GREM1: variants seen among roughly 807,000 people sequenced by gnomAD.
The protein encoded by GREM1 is gremlin 1, DAN family BMP antagonist, also known as gremlin-1.
In GREM1, 6 loss-of-function variants were observed where a neutral mutation model predicts 13.1. The observed-to-expected ratio is 0.46, with a 90% CI of 0.25 to 0.91. The LOEUF (loss-of-function observed/expected upper bound fraction) is 0.91, where lower values mean the gene tolerates loss of function less well. GREM1 is among the 40% of genes least tolerant of loss of function. GREM1 has a pLI of 0.18. For synonymous variants in GREM1, 98 were observed against 93.7 expected, an observed-to-expected ratio of 1.05 and a Z score of -0.27; for missense variants, 185 against 233.9, an observed-to-expected ratio of 0.79 and a Z score of 1.36.
rs2055773012 is a variant in GREM1 at position 32,742,771 on chromosome 15, G to A, written c.*11526G>A. 1 of 152,200 alleles carries A rather than the reference G, an allele frequency of 6.6e-6. No homozygotes were observed. Among genetic ancestry groups the A allele is most frequent in the Non-Finnish European group, 1.5e-5 (1 of 68,038 alleles). The allele number at this position is 152,200 out of a possible 1,614,324, so 9.4% of individuals were successfully genotyped here. ...GCAATGGTGCCAAGCATACTCAGTG[G>A]GAGAAATGATAATCTCTTCAACAAA... On this transcript the variant is annotated 3_prime_UTR_variant, in exon 2 of 2. Coordinates refer to ENST00000651154, the MANE Select transcript of GREM1 (RefSeq NM_013372.7).
At position 32,718,022 on chromosome 15, in the gene GREM1, G is replaced by C. The variant is rs867365082; in HGVS notation, c.-141G>C. 23 of 1,080,090 alleles carry C rather than the reference G, an allele frequency of 2.1e-5. No homozygotes were observed. Among genetic ancestry groups the C allele is most frequent in the Non-Finnish European group, 2.5e-5 (22 of 889,350 alleles). 66.9% of individuals were successfully genotyped at this position (1,080,090 alleles called of 1,614,324 possible). A position where few individuals can be genotyped will look rare whatever the true frequency, so the allele number is the denominator to read the frequency against. On this transcript the variant is annotated 5_prime_UTR_variant, in exon 1 of 2. Transcript: ENST00000651154. ...GCCTGGCACTCGGTGCGCCTTCCGCGGACCGGGCGACCCAGTGCACGGCCG... is the reference window on the plus strand; with the variant it reads ...GCCTGGCACTCGGTGCGCCTTCCGCCGACCGGGCGACCCAGTGCACGGCCG...
chr15:32,738,652 A>T lies in GREM1; in HGVS notation c.*7407A>T, dbSNP rs2055734770. 2 of 152,210 alleles carry T rather than the reference A, an allele frequency of 1.3e-5. No individual in the cohort carries two copies. Among genetic ancestry groups the T allele is most frequent in the African/African-American group, 4.8e-5 (2 of 41,440 alleles). 9.4% of individuals were successfully genotyped at this position (152,210 alleles called of 1,614,324 possible). A position where few individuals can be genotyped will look rare whatever the true frequency, so the allele number is the denominator to read the frequency against. ...TAAAAAAGATTTTAAAAAGTTGGAG[A>T]ACTCACACTTCCTGGTTTCATAACA... On this transcript the variant is annotated 3_prime_UTR_variant, in exon 2 of 2. Coordinates refer to ENST00000651154, the MANE Select transcript of GREM1 (RefSeq NM_013372.7).
In GREM1 at chr15:32,741,266, A is replaced by G. The variant is rs1234703571; in HGVS notation, c.*10021A>G. 9 of 152,318 alleles carry G rather than the reference A, an allele frequency of 5.9e-5. No homozygotes were observed. The East Asian group carries it at 1.7e-3, about 29-fold the overall frequency. The allele number at this position is 152,318 out of a possible 1,614,324, so 9.4% of individuals were successfully genotyped here. A position where few individuals can be genotyped will look rare whatever the true frequency, so the allele number is the denominator to read the frequency against. On this transcript the variant is annotated 3_prime_UTR_variant, in exon 2 of 2. Transcript: ENST00000651154. ...GTGACAAATAAGGGGAACAGAACAG[A>G]GAAAGTGATTTCAGCTATAAATATA...
chr15:32,731,284 G>GA lies in GREM1; in HGVS notation c.*39_*40insA. 8.6e-6 allele frequency: 13 copies of GA among 1,506,766 alleles called. No homozygotes were observed. The highest frequency in any genetic ancestry group is 1.2e-5 in the Non-Finnish European group (13 of 1,094,918). The allele number at this position is 1,506,766 out of a possible 1,614,324, so 93.3% of individuals were successfully genotyped here. On this transcript the variant is annotated 3_prime_UTR_variant, in exon 2 of 2. Transcript: ENST00000651154. ...GCACCCAGCATGTCCTAGGAATGCAGCCCCAGGAAGTCCCAGACCTAAAAC... is the reference window on the plus strand; with the variant it reads ...GCACCCAGCATGTCCTAGGAATGCAGACCCCAGGAAGTCCCAGACCTAAAAC...
rs2055725544 is a variant in GREM1 at position 32,738,121 on chromosome 15, A to AAAAC, written c.*6879_*6880insCAAA. The AAAAC allele has an allele frequency of 3.4e-5, 1 of 29,030 alleles. No individual in the cohort carries two copies. The highest frequency in any genetic ancestry group is 1.8e-4 in the African/African-American group (1 of 5,560). The allele number at this position is 29,030 out of a possible 1,614,324, so 1.8% of individuals were successfully genotyped here. The stretch of plus-strand genomic sequence containing the variant: ...AAAAAAAAAAAAAAAAAAAAAAAAA[A>AAAAC]AAAAAAAAAAAAGAAAAGAAAAAAG... On this transcript the variant is annotated 3_prime_UTR_variant, in exon 2 of 2. Coordinates refer to ENST00000651154, the MANE Select transcript of GREM1 (RefSeq NM_013372.7).
At chr15:32,723,585 A>T (rs1350144988) in intron 1 of GREM1, among the ~76,000 whole-genome samples, 1 of 151,216 alleles carries the variant, frequency 6.6e-6, no homozygotes, top group African/African-American at 2.4e-5. Context: ...TTCACTTTCC[A>T]TAGCTAATAA....
chr15:32,722,265 G>C (rs2055420745), intron 1 of GREM1, among the ~76,000 whole-genome samples: 1 of 152,360 alleles, frequency 6.6e-6, no homozygotes, highest in South Asian at 2.1e-4. Flanking sequence ...CCTGCACTTA[G>C]AGCATTTGTA....
intron 1 of GREM1, among the ~76,000 whole-genome samples, chr15:32,726,014 G>A (rs1319207334): frequency 6.6e-6 from 1 of 152,158 alleles, no homozygotes; most frequent in African/African-American, 2.4e-5. Flanking sequence ...TTTGATACCA[G>A]TACCGTGCTG....
At position 32,738,109 on chromosome 15, in the gene GREM1, A is replaced by C. The variant is rs1265049735; in HGVS notation, c.*6864A>C. ...AAAAAAAAAAAAAAAAAAAAAAAAA[A>C]AAAAAAAAAAAAAAAAAAAAAAAAG... On this transcript the variant is annotated 3_prime_UTR_variant, in exon 2 of 2. Coordinates refer to ENST00000651154, the MANE Select transcript of GREM1 (RefSeq NM_013372.7). 42 of 113,538 alleles carry C rather than the reference A, an allele frequency of 3.7e-4. No homozygotes were observed. Among genetic ancestry groups the C allele is most frequent in the South Asian group, 3.1e-3 (9 of 2,922 alleles). The allele number at this position is 113,538 out of a possible 1,614,324, so 7.0% of individuals were successfully genotyped here.
Position 32,718,034 on chromosome 15 carries a change from C to T in GREM1, c.-129C>T. 4 of 1,125,718 alleles carry T rather than the reference C, an allele frequency of 3.6e-6. No individual in the cohort carries two copies. Among genetic ancestry groups the T allele is most frequent in the Non-Finnish European group, 4.4e-6 (4 of 915,856 alleles). The allele number at this position is 1,125,718 out of a possible 1,614,324, so 69.7% of individuals were successfully genotyped here. On this transcript the variant is annotated 5_prime_UTR_variant, in exon 1 of 2. Coordinates refer to ENST00000651154, the MANE Select transcript of GREM1 (RefSeq NM_013372.7). ...GTGCGCCTTCCGCGGACCGGGCGAC[C>T]CAGTGCACGGCCGCCGCGTCACTCT...
chr15:32,718,186 G>A, intron 1 of GREM1, 25 bp downstream of exon 1: 2 of 1,341,734 alleles, frequency 1.5e-6, no homozygotes, highest in South Asian at 1.2e-5. Flanking sequence ...ACCCGGCAGG[G>A]ATGTGAGTGG....
rs2055696455 is a variant in GREM1 at position 32,736,256 on chromosome 15, T to C, written c.*5011T>C. Reference sequence around the variant, plus strand: ...CAAAACAACTAGAGGCAATTGATTCTCTTTGTGGCTGCCTGGGGTAATGTA... The same window carrying C: ...CAAAACAACTAGAGGCAATTGATTCCCTTTGTGGCTGCCTGGGGTAATGTA... On this transcript the variant is annotated 3_prime_UTR_variant, in exon 2 of 2. Coordinates refer to ENST00000651154, the MANE Select transcript of GREM1 (RefSeq NM_013372.7). 6.6e-6 allele frequency: 1 copy of C among 152,230 alleles called. No homozygotes were observed. The highest frequency in any genetic ancestry group is 1.5e-5 in the Non-Finnish European group (1 of 68,040). The allele number at this position is 152,230 out of a possible 1,614,324, so 9.4% of individuals were successfully genotyped here.
rs764035936 is a variant in GREM1 at position 32,734,271 on chromosome 15, G to A, written c.*3026G>A. 27 of 243,744 alleles carry A rather than the reference G, an allele frequency of 1.1e-4. No individual in the cohort carries two copies. Among genetic ancestry groups the A allele is most frequent in the Non-Finnish European group, 2.1e-4 (24 of 115,604 alleles). 15.1% of individuals were successfully genotyped at this position (243,744 alleles called of 1,614,324 possible). ...TTAAATGTTATTTTGGAAGACTTAC[G>A]ATGCATGTATACAAACGAATAGCAG... is the stretch of plus-strand genomic sequence containing the variant. On this transcript the variant is annotated 3_prime_UTR_variant, in exon 2 of 2. Coordinates refer to ENST00000651154, the MANE Select transcript of GREM1 (RefSeq NM_013372.7).
At position 32,741,916 on chromosome 15, in the gene GREM1, A is replaced by G. The variant is rs2055764833; in HGVS notation, c.*10671A>G. ...GTTAAATTTTGTCAAAACCTTTTTT[A>G]CATCCATCAAATGATTATGTAATTT... On this transcript the variant is annotated 3_prime_UTR_variant, in exon 2 of 2. Transcript: ENST00000651154. 1 of 152,124 alleles carries G rather than the reference A, an allele frequency of 6.6e-6. No individual in the cohort carries two copies. Among genetic ancestry groups the G allele is most frequent in the African/African-American group, 2.4e-5 (1 of 41,434 alleles). 9.4% of individuals were successfully genotyped at this position (152,124 alleles called of 1,614,324 possible).
Position 32,735,536 on chromosome 15 carries a change from T to A in GREM1, c.*4291T>A, listed in dbSNP as rs887678523. 4 of 152,336 alleles carry A rather than the reference T, an allele frequency of 2.6e-5. No individual in the cohort carries two copies. The highest frequency in any genetic ancestry group is 2.6e-4 in the Admixed American group (4 of 15,308). 9.4% of individuals were successfully genotyped at this position (152,336 alleles called of 1,614,324 possible). A position where few individuals can be genotyped will look rare whatever the true frequency, so the allele number is the denominator to read the frequency against. On this transcript the variant is annotated 3_prime_UTR_variant, in exon 2 of 2. Transcript: ENST00000651154. The stretch of plus-strand genomic sequence containing the variant: ...TAGATCTAACTAGATTGTTCACATC[T>A]AGCGATTAAGGCCACCCTGAGATTA...
rs1257474300 is a variant in GREM1 at position 32,744,587 on chromosome 15, A to AG, written c.*13342_*13343insG. Reference sequence around the variant, plus strand: ...GACTCAGCTTCAAAAAAAAAAAAAAAAAAGAAAGTTTCAGATATTATTGTT... The same window carrying AG: ...GACTCAGCTTCAAAAAAAAAAAAAAAGAAAGAAAGTTTCAGATATTATTGTT... On this transcript the variant is annotated 3_prime_UTR_variant, in exon 2 of 2. Transcript: ENST00000651154. 6.6e-6 allele frequency: 1 copy of AG among 151,672 alleles called. No homozygotes were observed. Among genetic ancestry groups the AG allele is most frequent in the Non-Finnish European group, 1.5e-5 (1 of 67,950 alleles). The allele number at this position is 151,672 out of a possible 1,614,324, so 9.4% of individuals were successfully genotyped here.
In GREM1 at chr15:32,732,312, A is replaced by G; in HGVS notation, c.*1067A>G. 1 of 239,664 alleles carries G rather than the reference A, an allele frequency of 4.2e-6. No individual in the cohort carries two copies. 14.8% of individuals were successfully genotyped at this position (239,664 alleles called of 1,614,324 possible). A position where few individuals can be genotyped will look rare whatever the true frequency, so the allele number is the denominator to read the frequency against. ...TCGTGGTTATAGTCAGCTCATTTCCATTCCACTATTTCCCATAATGCTTCT... is the reference window on the plus strand; with the variant it reads ...TCGTGGTTATAGTCAGCTCATTTCCGTTCCACTATTTCCCATAATGCTTCT... On this transcript the variant is annotated 3_prime_UTR_variant, in exon 2 of 2. Coordinates refer to ENST00000651154, the MANE Select transcript of GREM1 (RefSeq NM_013372.7).
At chr15:32,723,791 A>G (rs142416548) in intron 1 of GREM1, among the ~76,000 whole-genome samples, 214 of 152,330 alleles carry the variant, frequency 1.4e-3, no homozygotes, top group African/African-American at 5.0e-3. Context: ...ATTAATTTCA[A>G]TGGCTTCAAT....
chr15:32,722,638 A>C (rs144049018), intron 1 of GREM1, among the ~76,000 whole-genome samples: 13 of 152,324 alleles, frequency 8.5e-5, no homozygotes, highest in Non-Finnish European at 1.9e-4. Flanking sequence ...CACAGGATAG[A>C]GGTGGTTAAT....
Sources: allele counts gnomAD v4.1 joint callset (sites outside exome capture counted in the v4.1 genomes callset), GRCh38; gene constraint gnomAD v4.1.1; transcripts MANE v1.5; gene names NCBI Gene and HGNC (gene_info 2026-07-23, HGNC 2026-07-21).